The following GRID2 variants were observed in gnomAD, a reference collection of about 807,000 sequenced individuals.
GRID2 encodes the protein glutamate ionotropic receptor delta type subunit 2.
A neutral mutation model predicts 114.8 loss-of-function variants in GRID2; 33 were observed. That is an observed-to-expected ratio of 0.29 (90% CI 0.22 to 0.38). The LOEUF (loss-of-function observed/expected upper bound fraction) is 0.38, where lower values mean the gene tolerates loss of function less well. Among genes scored for constraint, GRID2 ranks in the 10% least tolerant of loss-of-function variants. The pLI is 1.00. For missense variants in GRID2, 1,184 were observed against 1,257.7 expected, an observed-to-expected ratio of 0.94 and a Z score of 0.89; for synonymous variants, 505 against 449.9, an observed-to-expected ratio of 1.12 and a Z score of -1.55.
At chr4:93,464,725 C>T (rs951678080) in intron 11 of GRID2, among the ~76,000 whole-genome samples, 2 of 152,024 alleles carry the variant, frequency 1.3e-5, no homozygotes, top group Non-Finnish European at 2.9e-5. Context: ...AAGATAAATG[C>T]ATGACCCACC....
At chr4:92,933,982 T>C (rs2149524451) in intron 2 of GRID2, among the ~76,000 whole-genome samples, 1 of 151,810 alleles carries the variant, frequency 6.6e-6, no homozygotes. Flanking sequence ...ATATAATACT[T>C]AAACACTCTA....
chr4:92,489,574 G>A (rs1723053234), intron 1 of GRID2, among the ~76,000 whole-genome samples: 2 of 152,160 alleles, frequency 1.3e-5, no homozygotes, highest in East Asian at 1.9e-4. Flanking sequence ...GGCCGGGCAC[G>A]GTGGCTCACT....
intron 14 of GRID2, among the ~76,000 whole-genome samples, chr4:93,714,353 A>G (rs1189391565): frequency 6.6e-6 from 1 of 152,122 alleles, no homozygotes; most frequent in Non-Finnish European, 1.5e-5. Context: ...ATGGACATTT[A>G]GGTTGACTCC....
chr4:93,302,533 G>A (rs1462190622), intron 8 of GRID2: 1 of 454,408 alleles, frequency 2.2e-6, no homozygotes, highest in Non-Finnish European at 4.4e-6. Flanking sequence ...TGTTTAATTT[G>A]TGTAATACAC....
chr4:93,571,708 A>G (rs1050689826), intron 13 of GRID2, among the ~76,000 whole-genome samples: 3 of 152,198 alleles, frequency 2.0e-5, no homozygotes, highest in African/African-American at 7.2e-5. Flanking sequence ...TATATATAAA[A>G]GTAATGCTTA....
chr4:92,819,148 A>G (rs1251229893), intron 2 of GRID2, among the ~76,000 whole-genome samples: 2 of 152,162 alleles, frequency 1.3e-5, no homozygotes, highest in African/African-American at 4.8e-5. Context: ...GCAATAGGAA[A>G]GCATAGTATC....
intron 1 of GRID2, among the ~76,000 whole-genome samples, chr4:92,418,340 A>G (rs1387751583): frequency 6.6e-6 from 1 of 152,130 alleles, no homozygotes. Context: ...GCTGAGTGGC[A>G]GATAAGGAGC....
At chr4:93,167,257 A>G (rs1158278620) in intron 4 of GRID2, among the ~76,000 whole-genome samples, 1 of 152,096 alleles carries the variant, frequency 6.6e-6, no homozygotes, top group African/African-American at 2.4e-5. Flanking sequence ...CTCTAGAGGC[A>G]CCCCATTCCT....
At chr4:93,027,240 A>G (rs75805438) in intron 2 of GRID2, among the ~76,000 whole-genome samples, 2 of 152,010 alleles carry the variant, frequency 1.3e-5, no homozygotes, top group Non-Finnish European at 2.9e-5. Context: ...AGAACAGTCA[A>G]ATTTTTAGGG....
At chr4:92,854,532 T>C (rs1166812922) in intron 2 of GRID2, among the ~76,000 whole-genome samples, 1 of 151,652 alleles carries the variant, frequency 6.6e-6, no homozygotes, top group South Asian at 2.1e-4. Flanking sequence ...GAAGTTGTGA[T>C]GTGTGTTTGT....
At chr4:93,385,126 C>T (rs1041702037) in intron 8 of GRID2, among the ~76,000 whole-genome samples, 5 of 152,160 alleles carry the variant, frequency 3.3e-5, no homozygotes, top group Non-Finnish European at 7.3e-5. Context: ...CCCAAGAACT[C>T]CATGCACATT....
chr4:92,660,036 T>G (rs1732446090), intron 2 of GRID2, among the ~76,000 whole-genome samples: 1 of 151,446 alleles, frequency 6.6e-6, no homozygotes, highest in Non-Finnish European at 1.5e-5. Context: ...TGAAAATTAT[T>G]TTGTTATTTT....
chr4:92,790,725 A>G (rs1352310057), intron 2 of GRID2, among the ~76,000 whole-genome samples: 1 of 109,300 alleles, frequency 9.1e-6, no homozygotes, highest in Admixed American at 9.1e-5. Flanking sequence ...GCTTTTTAAG[A>G]AAAAAAAAAA....
chr4:93,677,190 T>A (rs1724970823), intron 14 of GRID2, among the ~76,000 whole-genome samples: 5 of 152,156 alleles, frequency 3.3e-5, no homozygotes, highest in Admixed American at 3.3e-4. Flanking sequence ...CACAGCAGTC[T>A]GAGATCAAAC....
intron 2 of GRID2, among the ~76,000 whole-genome samples, chr4:92,875,183 A>G (rs1380403365): frequency 8.2e-6 from 1 of 121,608 alleles, no homozygotes; most frequent in Non-Finnish European, 1.6e-5. Context: ...TTTTCCCGAG[A>G]CGGAGTCTCA....
At chr4:92,554,907 G>C (rs1726776312) in intron 1 of GRID2, among the ~76,000 whole-genome samples, 1 of 152,004 alleles carries the variant, frequency 6.6e-6, no homozygotes, top group Non-Finnish European at 1.5e-5. Context: ...CCTTAGCTTT[G>C]AACCAATCAA....
chr4:92,416,007 T>C (rs1243888635), intron 1 of GRID2, among the ~76,000 whole-genome samples: 1 of 151,884 alleles, frequency 6.6e-6, no homozygotes, highest in Non-Finnish European at 1.5e-5. Flanking sequence ...GTTGTACTAG[T>C]TTACATTCCC....
chr4:92,912,582 C>T (rs1012882230), intron 2 of GRID2, among the ~76,000 whole-genome samples: 5 of 151,456 alleles, frequency 3.3e-5, no homozygotes, highest in Admixed American at 3.3e-4. Context: ...TACAAATCAG[C>T]AAAAAACACT....
chr4:93,692,103 G>A (rs1480089692), intron 14 of GRID2, among the ~76,000 whole-genome samples: 1 of 152,006 alleles, frequency 6.6e-6, no homozygotes, highest in Non-Finnish European at 1.5e-5. Context: ...TCAAATGCGG[G>A]GCGGGGAAGC....
Sources: allele counts gnomAD v4.1 joint callset (sites outside exome capture counted in the v4.1 genomes callset), GRCh38; gene constraint gnomAD v4.1.1; transcripts MANE v1.5; gene names NCBI Gene and HGNC (gene_info 2026-07-23, HGNC 2026-07-21).